The following DLGAP2 variants were observed in gnomAD, a reference collection of about 807,000 sequenced individuals.
DLGAP2 encodes DLG associated protein 2, also known as disks large-associated protein 2.
A neutral mutation model predicts 100.3 loss-of-function variants in DLGAP2; 26 were observed. The ratio of observed to expected loss-of-function variants is 0.26; its 90% CI spans 0.19 to 0.36. The LOEUF is 0.36. Among genes scored for constraint, DLGAP2 ranks in the 10% least tolerant of loss-of-function variants. DLGAP2 has a pLI of 1.00. For synonymous variants in DLGAP2, 886 were observed against 630.1 expected (o/e 1.41, Z -6.08); for missense variants, 1,858 against 1,453.2 (o/e 1.28, Z -4.53).
intron 2 of DLGAP2, among the ~76,000 whole-genome samples, chr8:1,010,553 G>A (rs900286635): frequency 6.6e-6 from 1 of 152,224 alleles, no homozygotes; most frequent in African/African-American, 2.4e-5. Flanking sequence ...GCAGTGAAGA[G>A]TAGAGCCATT....
chr8:1,124,348 A>G (rs1796116733), intron 2 of DLGAP2, among the ~76,000 whole-genome samples: 1 of 152,188 alleles, frequency 6.6e-6, no homozygotes, highest in Admixed American at 6.5e-5. Context: ...CCTGTGGCCC[A>G]GACTCCTCTC....
chr8:1,532,781 G>C (rs906521257), intron 4 of DLGAP2, among the ~76,000 whole-genome samples: 1 of 152,208 alleles, frequency 6.6e-6, no homozygotes, highest in Admixed American at 6.5e-5. Context: ...ACTGACGTCA[G>C]TTAGGAGGTT....
rs965321158 is a variant in DLGAP2, at chr8:1,678,327, C to T, written c.2402C>T (p.Ser801Leu). ...GAGGACAAAGGCCTTCAGTTCGGCT[C>T]ATCCTTCCAGCGGCACTCCGAGCCC... ...TTEDKGLQFGSSFQRHSEPST... is the reference protein window; with the variant it reads ...TTEDKGLQFGLSFQRHSEPST... The change falls in exon 12 of 15, where the codon TCA (serine) becomes TTA (leucine). Residue 801 changes from serine (S) to leucine (L), a missense_variant. Physicochemically the swap from Ser to Leu is moderately radical, Grantham distance 145. Transcript: ENST00000637795. 7 of 1,613,922 alleles carry T rather than the reference C, an allele frequency of 4.3e-6. No homozygotes were observed. Among genetic ancestry groups the T allele is most frequent in the East Asian group, 4.5e-5 (2 of 44,888 alleles).
At position 863,248 on chromosome 8, in the gene DLGAP2, C is replaced by T. The variant is rs1797426864; in HGVS notation, c.19-44664C>T. 2.0e-5 allele frequency among the ~76,000 whole-genome samples: 3 copies of T among 152,302 alleles called. No individual in the cohort carries two copies. In the South Asian group the frequency reaches 6.2e-4, roughly 32 times the overall value. On this transcript the variant is annotated intron_variant, in intron 1 of 14. Coordinates refer to ENST00000637795, the MANE Select transcript of DLGAP2 (RefSeq NM_001346810.2). ...GAAATTGGGGTCTGGACATGCTCTG[C>T]ACCAGGGTTATTTAAGGATGTGCTT...
chr8:854,104 G>A (rs1483127033), intron 1 of DLGAP2, among the ~76,000 whole-genome samples: 2 of 152,176 alleles, frequency 1.3e-5, no homozygotes, highest in Non-Finnish European at 2.9e-5. Flanking sequence ...CTCCAGAACC[G>A]TGGGAGATGA....
At chr8:1,270,500 G>A (rs1799559107) in intron 3 of DLGAP2, among the ~76,000 whole-genome samples, 1 of 152,176 alleles carries the variant, frequency 6.6e-6, no homozygotes, top group Non-Finnish European at 1.5e-5. Context: ...CTTTCCTCAG[G>A]AGAAATGCAG....
chr8:1,623,279 C>T (rs1797394375), intron 6 of DLGAP2, among the ~76,000 whole-genome samples: 1 of 152,122 alleles, frequency 6.6e-6, no homozygotes, highest in East Asian at 1.9e-4. Flanking sequence ...GGGAGTGCTG[C>T]CCCCATCCCG....
intron 3 of DLGAP2, among the ~76,000 whole-genome samples, chr8:1,275,916 A>C (rs1182709710): frequency 7.1e-5 from 8 of 112,032 alleles, no homozygotes; most frequent in Non-Finnish European, 1.2e-4. Context: ...ATAATATATA[A>C]ATAAATATAT....
rs146240910 is a variant in DLGAP2, at chr8:1,683,080, G to A, written c.2704+4451G>A. 1.0e-3 allele frequency among the ~76,000 whole-genome samples: 152 copies of A among 151,694 alleles called. 1 individual carries two copies. Among genetic ancestry groups the A allele is most frequent in the African/African-American group, 3.5e-3 (144 of 41,494 alleles). ...ATGATGCAACAATGAGTAAGACATG[G>A]TAAAGGACCTAACTGATTACCTAAC... On this transcript the variant is annotated intron_variant, in intron 12 of 14. Transcript: ENST00000637795.
intron 5 of DLGAP2, among the ~76,000 whole-genome samples, chr8:1,554,801 G>A (rs1157079139): frequency 1.6e-5 from 2 of 122,920 alleles, no homozygotes; most frequent in African/African-American, 3.3e-5. Context: ...CCACCCTCAC[G>A]GTATCCCCAC....
chr8:998,205 TACAC>T (rs1800842503), intron 2 of DLGAP2, among the ~76,000 whole-genome samples: 1 of 152,160 alleles, frequency 6.6e-6, no homozygotes, highest in African/African-American at 2.4e-5. Context: ...AATACACACA[TACAC>T]ATGCATGCAT....
intron 6 of DLGAP2, among the ~76,000 whole-genome samples, chr8:1,618,894 A>G (rs759518360): frequency 6.6e-6 from 1 of 152,162 alleles, no homozygotes; most frequent in Non-Finnish European, 1.5e-5. Context: ...ACCCTCCTCT[A>G]AATTGTGGCA....
intron 3 of DLGAP2, among the ~76,000 whole-genome samples, chr8:1,463,644 G>A (rs1212703418): frequency 1.3e-5 from 2 of 152,226 alleles, no homozygotes; most frequent in Non-Finnish European, 2.9e-5. Context: ...CCAGGAGGCG[G>A]TCGGGATACC....
At chr8:1,025,025 TC>T (rs1048722089) in intron 2 of DLGAP2, among the ~76,000 whole-genome samples, 2 of 151,466 alleles carry the variant, frequency 1.3e-5, no homozygotes, top group East Asian at 1.9e-4. Context: ...GTGTCTCTGC[TC>T]CCCCCTCTCC....
intron 3 of DLGAP2, among the ~76,000 whole-genome samples, chr8:1,487,541 C>G (rs1288900529): frequency 6.6e-6 from 1 of 152,204 alleles, no homozygotes; most frequent in Admixed American, 6.5e-5. Context: ...TAAAACAGTG[C>G]TACTGAAGTG....
intron 3 of DLGAP2, among the ~76,000 whole-genome samples, chr8:1,332,981 G>A (rs949609118): frequency 9.9e-5 from 15 of 152,158 alleles, no homozygotes; most frequent in Non-Finnish European, 1.5e-4. Flanking sequence ...TGGCCGCCTC[G>A]TCAGGCCCCC....
At chr8:1,512,193 C>A (rs1434814739) in intron 4 of DLGAP2, among the ~76,000 whole-genome samples, 1 of 152,202 alleles carries the variant, frequency 6.6e-6, no homozygotes, top group Non-Finnish European at 1.5e-5. Context: ...TTGCAGAAAG[C>A]CTGTTGCTAG....
intron 2 of DLGAP2, among the ~76,000 whole-genome samples, chr8:1,018,120 A>G (rs1386830795): frequency 1.3e-5 from 2 of 150,642 alleles, no homozygotes; most frequent in Non-Finnish European, 3.0e-5. Context: ...CCCTGCCCCT[A>G]CAGGCCCTCC....
intron 2 of DLGAP2, among the ~76,000 whole-genome samples, chr8:925,881 A>T (rs1798803874): frequency 6.6e-6 from 1 of 152,098 alleles, no homozygotes; most frequent in Admixed American, 6.5e-5. Context: ...GTTGCATAAT[A>T]AAATGTATTT....
Sources: gnomAD v4.1 joint callset for allele counts (sites outside exome capture counted in the v4.1 genomes callset) on GRCh38, gnomAD v4.1.1 for gene constraint, MANE v1.5 for transcripts, NCBI Gene and HGNC (gene_info 2026-07-23, HGNC 2026-07-21) for gene names.